The following B4GALT6 variants were observed in gnomAD, a reference collection of about 807,000 sequenced individuals.
B4GALT6 encodes UDP-Gal:beta-GlcNAc beta-1,4-galactosyltransferase 6.
In B4GALT6, 14 loss-of-function variants were observed where a neutral mutation model predicts 46.3. That is an observed-to-expected ratio of 0.30 (90% CI 0.20 to 0.47). The LOEUF is 0.47. Among genes scored for constraint, B4GALT6 ranks in the 20% least tolerant of loss-of-function variants. B4GALT6 has a pLI of 0.99. For missense variants in B4GALT6, 386 were observed against 480.1 expected (o/e 0.80, Z 1.83); for synonymous variants, 168 against 162.0 (o/e 1.04, Z -0.28).
At chr18:31,695,869 T>C in the B4GALT6 span, among the ~76,000 whole-genome samples, 3 of 151,980 alleles carry the variant, frequency 2.0e-5, no homozygotes, top group Admixed American at 6.5e-5. Flanking sequence ...TACCTCCAAA[T>C]AGACCAGGAA....
chr18:31,636,908 A>C (rs753848676), intron 5 of B4GALT6, among the ~76,000 whole-genome samples: 11 of 152,142 alleles, frequency 7.2e-5, no homozygotes, highest in Non-Finnish European at 1.5e-4. Flanking sequence ...TGCAACCTCC[A>C]TCTCCCAGGT....
intron 5 of B4GALT6, among the ~76,000 whole-genome samples, chr18:31,635,825 A>C (rs907992607): frequency 4.6e-5 from 7 of 152,192 alleles, no homozygotes; most frequent in Admixed American, 6.5e-5. Flanking sequence ...CTCAAAAAAA[A>C]ACTTTTTTGA....
chr18:31,665,521 C>T (rs916714970), intron 2 of B4GALT6, among the ~76,000 whole-genome samples: 2 of 152,062 alleles, frequency 1.3e-5, no homozygotes, highest in South Asian at 2.1e-4. Context: ...GGGCGTATCA[C>T]GAGGTCAAGA....
In B4GALT6 at chr18:31,622,691, C is replaced by CT. The variant is rs1294732572; in HGVS notation, c.*2922dup. Reference sequence around the variant, plus strand: ...AATTTTTAATACATAACTGTATCTACTTAATATTATAAAGTTTTCTTACTG... The same window carrying CT: ...AATTTTTAATACATAACTGTATCTACTTTAATATTATAAAGTTTTCTTACTG... On this transcript the variant is annotated 3_prime_UTR_variant, in exon 9 of 9. Transcript: ENST00000306851. The CT allele has an allele frequency of 2.6e-5, 4 of 151,910 alleles. No homozygotes were observed. The highest frequency in any genetic ancestry group is 4.4e-5 in the Non-Finnish European group (3 of 67,892). The allele number at this position is 151,910 out of a possible 1,614,324, so 9.4% of individuals were successfully genotyped here. A position where few individuals can be genotyped will look rare whatever the true frequency, so the allele number is the denominator to read the frequency against.
chr18:31,637,009 C>T (rs868533244), intron 5 of B4GALT6, among the ~76,000 whole-genome samples: 37 of 151,890 alleles, frequency 2.4e-4, no homozygotes, highest in Admixed American at 2.3e-3. Flanking sequence ...TTAGTAGAGA[C>T]GAGGTTTCAC....
the B4GALT6 span, among the ~76,000 whole-genome samples, chr18:31,702,157 A>G: frequency 6.6e-6 from 1 of 152,264 alleles, no homozygotes; most frequent in Non-Finnish European, 1.5e-5. Flanking sequence ...ATAATACGCT[A>G]TAATGGCAAG....
At chr18:31,724,392 G>A in the B4GALT6 span, 2 of 1,101,242 alleles carry the variant, frequency 1.8e-6, no homozygotes, top group Non-Finnish European at 2.2e-6. Context: ...ACTCCCTGGG[G>A]CCAACTTAGC....
intron 2 of B4GALT6, 192 bp from the exon 3 acceptor site, chr18:31,658,281 A>G: frequency 2.0e-6 from 1 of 501,454 alleles, no homozygotes; most frequent in Non-Finnish European, 3.6e-6. Flanking sequence ...ATGATTTCCC[A>G]AGAGACATCT....
chr18:31,648,595 GAA>G (rs2074021673), intron 3 of B4GALT6, among the ~76,000 whole-genome samples: 1 of 152,190 alleles, frequency 6.6e-6, no homozygotes, highest in South Asian at 2.1e-4. Context: ...TCCTAATGCT[GAA>G]TTTGCAAGAT....
At chr18:31,677,217 A>G (rs570050027) in intron 1 of B4GALT6, among the ~76,000 whole-genome samples, 2 of 152,344 alleles carry the variant, frequency 1.3e-5, no homozygotes, top group African/African-American at 2.4e-5. Context: ...TACTAAGTAT[A>G]TTTTCCTAAA....
rs2073644931 is a variant in B4GALT6, at chr18:31,623,507, A to G, written c.*2107T>C. ...AAAATATATATAAAAATGAAAAGAT[A>G]CCGAATGTGGACAGCTCCACATTGA... On this transcript the variant is annotated 3_prime_UTR_variant, in exon 9 of 9. Transcript: ENST00000306851. The G allele has an allele frequency of 6.6e-6, 1 of 152,386 alleles. No individual in the cohort carries two copies. The highest frequency in any genetic ancestry group is 1.5e-5 in the Non-Finnish European group (1 of 67,864). 9.4% of individuals were successfully genotyped at this position (152,386 alleles called of 1,614,324 possible).
upstream of B4GALT6, among the ~76,000 whole-genome samples, chr18:31,685,453 C>G (rs1227649982): frequency 1.3e-5 from 2 of 151,496 alleles, no homozygotes; most frequent in Non-Finnish European, 3.0e-5. Flanking sequence ...GCGCTTCGCG[C>G]GCTCGCTCGG....
rs773722182 is a variant in B4GALT6 at position 31,684,359 on chromosome 18, GAGA to G, written c.65_67del (p.Phe22del). 1.1e-4 allele frequency: 183 copies of G among 1,613,756 alleles called. 1 individual carries two copies. Among genetic ancestry groups the G allele is most frequent in the Middle Eastern group, 1.6e-4 (1 of 6,084 alleles). On this transcript the variant is annotated inframe_deletion, in exon 1 of 9. Transcript: ENST00000306851. ...GAAGTACAGACAGGACGAAGAGAGG[GAGA>G]AGAAGAAGATGAAGGCGAGGAGAGA...
chr18:31,684,212 CCT>C (rs776055695), intron 1 of B4GALT6, 98 bp downstream of exon 1: 28 of 1,554,760 alleles, frequency 1.8e-5, no homozygotes, highest in Middle Eastern at 2.0e-4. Context: ...TCTGCGGGCC[CCT>C]GTTTGAACAG....
chr18:31,654,863 A>G (rs1046546573), intron 3 of B4GALT6, among the ~76,000 whole-genome samples: 2 of 152,198 alleles, frequency 1.3e-5, no homozygotes, highest in South Asian at 2.1e-4. Context: ...ATTGTTCTCT[A>G]TTATCAATGA....
At chr18:31,632,827 C>T (rs552025297) in intron 5 of B4GALT6, among the ~76,000 whole-genome samples, 49 of 152,198 alleles carry the variant, frequency 3.2e-4, no homozygotes, top group African/African-American at 9.6e-4. Context: ...AAGAAATATG[C>T]CCTACACCTA....
At chr18:31,677,516 A>T (rs1186366642) in intron 1 of B4GALT6, among the ~76,000 whole-genome samples, 1 of 152,198 alleles carries the variant, frequency 6.6e-6, no homozygotes, top group Non-Finnish European at 1.5e-5. Flanking sequence ...TTATAACTGG[A>T]GTAAATGCTT....
chr18:31,652,052 G>A (rs966908883), intron 3 of B4GALT6, among the ~76,000 whole-genome samples: 3 of 152,124 alleles, frequency 2.0e-5, no homozygotes, highest in Admixed American at 2.0e-4. Flanking sequence ...TTACAGGCGT[G>A]AGCCACGGCG....
At chr18:31,679,557 T>A (rs2074455950) in intron 1 of B4GALT6, among the ~76,000 whole-genome samples, 1 of 152,242 alleles carries the variant, frequency 6.6e-6, no homozygotes, top group Non-Finnish European at 1.5e-5. Flanking sequence ...TGATTCCATG[T>A]TTCAGAGGAA....
Sources: gnomAD v4.1 joint callset for allele counts (sites outside exome capture counted in the v4.1 genomes callset) on GRCh38, gnomAD v4.1.1 for gene constraint, MANE v1.5 for transcripts, NCBI Gene and HGNC (gene_info 2026-07-23, HGNC 2026-07-21) for gene names.